GGA3: variants seen among roughly 807,000 people sequenced by gnomAD.
GGA3 encodes the protein ADP-ribosylation factor-binding protein GGA3.
Under a neutral mutation model 77.5 loss-of-function variants are expected in GGA3, and 57 were observed. The observed-to-expected ratio is 0.74, with a 90% CI of 0.59 to 0.92. GGA3 has a LOEUF of 0.92. Ranked by LOEUF, GGA3 falls within the 40% of genes least tolerant of loss-of-function variation. The pLI is 0.00. For synonymous variants in GGA3, 416 were observed against 383.7 expected, an observed-to-expected ratio of 1.08 and a Z score of -0.98; for missense variants, 970 against 914.9, an observed-to-expected ratio of 1.06 and a Z score of -0.78.
chr17:75,238,484 C>T lies in GGA3; in HGVS notation c.2062-95G>A, dbSNP rs570684840. On this transcript the variant is annotated intron_variant, in intron 16 of 16. Transcript: ENST00000537686. ...CCCTCTCTGTGCTAGAGGAATGGTCCCTTTTCCCCGCAACCCCCAACCATG... is the reference window on the plus strand; with the variant it reads ...CCCTCTCTGTGCTAGAGGAATGGTCTCTTTTCCCCGCAACCCCCAACCATG... 3.7e-4 allele frequency: 429 copies of T among 1,158,464 alleles called. 3 individuals carry two copies. The South Asian group carries it at 5.4e-3, about 15-fold the overall frequency. The allele number at this position is 1,158,464 out of a possible 1,614,324, so 71.8% of individuals were successfully genotyped here.
At chr17:75,257,281 C>CA (rs2077184597) in intron 1 of GGA3, among the ~76,000 whole-genome samples, 7 of 57,824 alleles carry the variant, frequency 1.2e-4, no homozygotes, top group Non-Finnish European at 2.2e-4. Context: ...AGACTGTGCC[C>CA]CCCCCCCCAA....
chr17:75,249,851 T>C (rs113241403), intron 1 of GGA3, among the ~76,000 whole-genome samples: 6,877 of 152,264 alleles, frequency 0.045, 495 homozygotes, highest in African/African-American at 0.16. Flanking sequence ...CCCAAGTCTA[T>C]TAGACTTCCA....
At chr17:75,243,677 A>G in intron 4 of GGA3, 107 bp from the exon 5 acceptor site, 6 of 1,106,528 alleles carry the variant, frequency 5.4e-6, no homozygotes, top group Non-Finnish European at 7.7e-6. Context: ...CTATGGTCCT[A>G]CTCAAAATCT....
Position 75,238,131 on chromosome 17 carries a change from G to T in GGA3, c.*148C>A. 7.0e-7 allele frequency: 1 copy of T among 1,435,782 alleles called. No individual in the cohort carries two copies. Among genetic ancestry groups the T allele is most frequent in the Non-Finnish European group, 9.1e-7 (1 of 1,097,950 alleles). 88.9% of individuals were successfully genotyped at this position (1,435,782 alleles called of 1,614,324 possible). ...GGAGAGGTTATCACAGCAGCAGTTT[G>T]GTTCTCAGCAGAAATGCCCAGGGCC... On this transcript the variant is annotated 3_prime_UTR_variant, in exon 17 of 17. Transcript: ENST00000537686.
chr17:75,255,035 C>T (rs532523944), intron 1 of GGA3, among the ~76,000 whole-genome samples: 7 of 152,332 alleles, frequency 4.6e-5, no homozygotes, highest in South Asian at 2.1e-4. Context: ...CTCGGCTTAA[C>T]GGCTGAAGAC....
At chr17:75,246,295 C>T (rs1254469464) in intron 3 of GGA3, among the ~76,000 whole-genome samples, 3 of 152,190 alleles carry the variant, frequency 2.0e-5, no homozygotes, top group Non-Finnish European at 2.9e-5. Flanking sequence ...CTGGCAGGGA[C>T]GGCACTGCAG....
At position 75,237,243 on chromosome 17, in the gene GGA3, T is replaced by C. The variant is rs1392966041; in HGVS notation, c.*1036A>G. 9 of 598,596 alleles carry C rather than the reference T, an allele frequency of 1.5e-5. No individual in the cohort carries two copies. The highest frequency in any genetic ancestry group is 2.4e-5 in the Non-Finnish European group (8 of 335,272). 37.1% of individuals were successfully genotyped at this position (598,596 alleles called of 1,614,324 possible). A position where few individuals can be genotyped will look rare whatever the true frequency, so the allele number is the denominator to read the frequency against. ...ATCACCTCCAGACCCAACATCTCGC[T>C]GACAGTGCCCCTCAGTAGCTGGGGA... On this transcript the variant is annotated 3_prime_UTR_variant, in exon 17 of 17. Coordinates refer to ENST00000537686, the MANE Select transcript of GGA3 (RefSeq NM_138619.4).
chr17:75,239,290 G>T, intron 14 of GGA3, 85 bp downstream of exon 14: 2 of 1,217,202 alleles, frequency 1.6e-6, no homozygotes, highest in Non-Finnish European at 2.3e-6. Context: ...TGCAAAGAGT[G>T]CCTGGATCCA....
chr17:75,248,738 A>G, intron 1 of GGA3: 1 of 498,068 alleles, frequency 2.0e-6, no homozygotes, highest in Non-Finnish European at 2.6e-6. Context: ...TTGAGCCGAG[A>G]TCGTGCCATT....
Position 75,237,636 on chromosome 17 carries a change from A to C in GGA3, c.*643T>G. 6.6e-7 allele frequency: 1 copy of C among 1,509,950 alleles called. No homozygotes were observed. Among genetic ancestry groups the C allele is most frequent in the Non-Finnish European group, 8.8e-7 (1 of 1,131,914 alleles). 93.5% of individuals were successfully genotyped at this position (1,509,950 alleles called of 1,614,324 possible). ...TCCTGCCAAGATGTCCATAGGACAC[A>C]GCCTGCCACTGCCAGGGACAAGCAC... is the stretch of plus-strand genomic sequence containing the variant. On this transcript the variant is annotated 3_prime_UTR_variant, in exon 17 of 17. Coordinates refer to ENST00000537686, the MANE Select transcript of GGA3 (RefSeq NM_138619.4).
chr17:75,255,120 G>A (rs914037426), intron 1 of GGA3, among the ~76,000 whole-genome samples: 36 of 152,216 alleles, frequency 2.4e-4, no homozygotes, highest in South Asian at 6.2e-4. Flanking sequence ...TCACAGTGGA[G>A]AGTAAGTCCG....
rs769092884 is a variant in GGA3 at position 75,241,646 on chromosome 17, G to A, written c.798C>T (p.Ala266=). 3 of 1,613,940 alleles carry A rather than the reference G, an allele frequency of 1.9e-6. No individual in the cohort carries two copies. The African/African-American group carries it at 4.0e-5, about 22-fold the overall frequency. ...TGTTATCATTGTCCTCAGTCTCACT[G>A]GCGAGTTTAAATAAAGTCCGCCTCT... ...ENKRRTLFKL[A]SETEDNDNSL... The change falls in exon 9 of 17, where the codon GCC becomes GCT. Residue 266 remains alanine, a synonymous_variant. Coordinates refer to ENST00000537686, the MANE Select transcript of GGA3 (RefSeq NM_138619.4).
intron 1 of GGA3, among the ~76,000 whole-genome samples, chr17:75,256,907 T>C: frequency 6.6e-6 from 1 of 152,082 alleles, no homozygotes; most frequent in East Asian, 1.9e-4. Flanking sequence ...ACCGCAGTCA[T>C]TTCTTCCCTT....
At chr17:75,259,824 C>T (rs192037963) in intron 1 of GGA3, among the ~76,000 whole-genome samples, 1 of 151,486 alleles carries the variant, frequency 6.6e-6, no homozygotes, top group Admixed American at 6.6e-5. Context: ...CCATGTGACT[C>T]CCCCCCACCA....
chr17:75,237,164 A>G lies in GGA3; in HGVS notation c.*1115T>C, dbSNP rs2076347813. The G allele has an allele frequency of 2.2e-6, 1 of 447,210 alleles. No homozygotes were observed. The highest frequency in any genetic ancestry group is 2.0e-5 in the African/African-American group (1 of 51,166). 27.7% of individuals were successfully genotyped at this position (447,210 alleles called of 1,614,324 possible). On this transcript the variant is annotated 3_prime_UTR_variant, in exon 17 of 17. Coordinates refer to ENST00000537686, the MANE Select transcript of GGA3 (RefSeq NM_138619.4). ...GGCTGGGACAAGCTGGCGGGGGCCA[A>G]GCACTGTTGAAGCAATAGGGTCTGG...
Position 75,238,055 on chromosome 17 carries a change from G to T in GGA3, c.*224C>A. The T allele has an allele frequency of 7.3e-7, 1 of 1,361,950 alleles. No homozygotes were observed. Among genetic ancestry groups the T allele is most frequent in the South Asian group, 1.9e-5 (1 of 53,866 alleles). 84.4% of individuals were successfully genotyped at this position (1,361,950 alleles called of 1,614,324 possible). ...CACTCCGCACCCCTGACAGCATATGGCCACTTCAAGTCACACAGGTAGATA... is the reference window on the plus strand; with the variant it reads ...CACTCCGCACCCCTGACAGCATATGTCCACTTCAAGTCACACAGGTAGATA... On this transcript the variant is annotated 3_prime_UTR_variant, in exon 17 of 17. Transcript: ENST00000537686.
chr17:75,254,931 C>G (rs948399555), intron 1 of GGA3, among the ~76,000 whole-genome samples: 1 of 152,106 alleles, frequency 6.6e-6, no homozygotes, highest in African/African-American at 2.4e-5. Context: ...TGTGTGGGAC[C>G]CCACTGAAAA....
chr17:75,240,067 C>A lies in GGA3; in HGVS notation c.1305G>T (p.Gly435=). The change falls in exon 13 of 17, where the codon GGG becomes GGT. Residue 435 remains glycine (G), a synonymous_variant. Coordinates refer to ENST00000537686, the MANE Select transcript of GGA3 (RefSeq NM_138619.4). The part of the protein sequence containing the change: ...SDLDFFSPRP[G]TAACGASDAP... ...CATCGGAGGCGCCACAGGCAGCGGT[C>A]CCCGGCCTGGGGCTGAAGAAGTCCA... The A allele has an allele frequency of 6.4e-7, 1 of 1,551,652 alleles. No homozygotes were observed. Among genetic ancestry groups the A allele is most frequent in the Non-Finnish European group, 8.7e-7 (1 of 1,148,448 alleles).
At chr17:75,261,657 T>G (rs887100067), upstream of GGA3, 51 of 1,402,574 alleles carry the variant, frequency 3.6e-5, no homozygotes, top group Non-Finnish European at 4.7e-5. Context: ...GGGCGGGGCC[T>G]GCATGGGGTC....
Sources: allele counts gnomAD v4.1 joint callset (sites outside exome capture counted in the v4.1 genomes callset), GRCh38; gene constraint gnomAD v4.1.1; transcripts MANE v1.5; gene names NCBI Gene and HGNC (gene_info 2026-07-23, HGNC 2026-07-21).